The following ANGPT1 variants were observed in gnomAD, a reference collection of about 807,000 sequenced individuals.
The protein encoded by ANGPT1 is angiopoietin 1.
A neutral mutation model predicts 62.2 loss-of-function variants in ANGPT1; 17 were observed. The observed-to-expected ratio is 0.27, with a 90% CI of 0.19 to 0.41. ANGPT1 has a LOEUF of 0.41. Ranked by LOEUF, ANGPT1 falls within the 10% of genes least tolerant of loss-of-function variation. The pLI is 1.00. For synonymous variants in ANGPT1, 199 were observed against 198.9 expected (o/e 1.00, Z 0.00); for missense variants, 478 against 594.9 (o/e 0.80, Z 2.04).
At chr8:107,322,564 T>C (rs756850834) in intron 3 of ANGPT1, among the ~76,000 whole-genome samples, 2 of 152,138 alleles carry the variant, frequency 1.3e-5, no homozygotes, top group Non-Finnish European at 2.9e-5. Flanking sequence ...ATTTGGGGTT[T>C]TCAAAACGTT....
At chr8:107,497,179 G>A in intron 1 of ANGPT1, 83 bp downstream of exon 1, 1 of 1,439,408 alleles carries the variant, frequency 6.9e-7, no homozygotes, top group Non-Finnish European at 9.5e-7. Context: ...ATACACAAAT[G>A]CTCCCCTAAG....
intron 7 of ANGPT1, among the ~76,000 whole-genome samples, chr8:107,268,352 G>A (rs1813662052): frequency 1.3e-5 from 2 of 151,700 alleles, no homozygotes; most frequent in African/African-American, 4.8e-5. Flanking sequence ...ACCTACCTGG[G>A]TACCCACTTC....
chr8:107,403,985 A>G (rs1451751079), intron 1 of ANGPT1, among the ~76,000 whole-genome samples: 2 of 152,162 alleles, frequency 1.3e-5, no homozygotes, highest in African/African-American at 2.4e-5. Flanking sequence ...TGATGATACC[A>G]CCAAAAGCCT....
At chr8:107,486,023 T>C (rs1489453113) in intron 1 of ANGPT1, among the ~76,000 whole-genome samples, 1 of 152,186 alleles carries the variant, frequency 6.6e-6, no homozygotes, top group Non-Finnish European at 1.5e-5. Flanking sequence ...AATCAGCTAT[T>C]GTGCTTCAAT....
At chr8:107,365,001 TAACAC>T (rs1816243942) in intron 1 of ANGPT1, among the ~76,000 whole-genome samples, 1 of 152,130 alleles carries the variant, frequency 6.6e-6, no homozygotes, top group Non-Finnish European at 1.5e-5. Flanking sequence ...ACATTATAGT[TAACAC>T]AACTACCTGA....
At chr8:107,380,852 C>T (rs1056410783) in intron 1 of ANGPT1, among the ~76,000 whole-genome samples, 1 of 152,120 alleles carries the variant, frequency 6.6e-6, no homozygotes, top group Middle Eastern at 3.2e-3. Context: ...CCTTAAAGGA[C>T]CCCACCACTC....
chr8:107,471,408 G>A (rs1323007823), intron 1 of ANGPT1, among the ~76,000 whole-genome samples: 6 of 152,070 alleles, frequency 3.9e-5, no homozygotes, highest in Non-Finnish European at 8.8e-5. Context: ...CTGTCAGGCT[G>A]TGGGGGGACT....
At chr8:107,324,856 G>C (rs539273626) in intron 3 of ANGPT1, among the ~76,000 whole-genome samples, 6 of 152,102 alleles carry the variant, frequency 3.9e-5, no homozygotes, top group Non-Finnish European at 8.8e-5. Flanking sequence ...TTTCTGTTTT[G>C]AATTGCTTTC....
At chr8:107,260,729 G>C (rs1320863764) in intron 8 of ANGPT1, among the ~76,000 whole-genome samples, 1 of 152,122 alleles carries the variant, frequency 6.6e-6, no homozygotes, top group Non-Finnish European at 1.5e-5. Flanking sequence ...CATTTGATAA[G>C]GTAATGGCGT....
chr8:107,262,111 C>G (rs1813506897), intron 8 of ANGPT1, among the ~76,000 whole-genome samples: 3 of 152,124 alleles, frequency 2.0e-5, no homozygotes, highest in Non-Finnish European at 4.4e-5. Flanking sequence ...AAGATAATCA[C>G]TTGAACCAGG....
At chr8:107,358,694 T>C (rs1433620178) in intron 1 of ANGPT1, among the ~76,000 whole-genome samples, 4 of 152,248 alleles carry the variant, frequency 2.6e-5, no homozygotes, top group African/African-American at 4.8e-5. Flanking sequence ...GTGTTCCTCC[T>C]GATTTAGTCC....
At chr8:107,297,582 CAT>C (rs1563555891) in intron 5 of ANGPT1, among the ~76,000 whole-genome samples, 2 of 148,670 alleles carry the variant, frequency 1.3e-5, no homozygotes, top group Non-Finnish European at 3.0e-5. Context: ...AGTTATATAA[CAT>C]TGCATACAAA....
At chr8:107,484,943 T>A (rs538280796) in intron 1 of ANGPT1, among the ~76,000 whole-genome samples, 5 of 152,298 alleles carry the variant, frequency 3.3e-5, no homozygotes, top group Admixed American at 6.5e-5. Context: ...TCCTGAGAGA[T>A]GATAAATATC....
chr8:107,440,144 C>A (rs1359777051), intron 1 of ANGPT1, among the ~76,000 whole-genome samples: 1 of 151,980 alleles, frequency 6.6e-6, no homozygotes, highest in Non-Finnish European at 1.5e-5. Flanking sequence ...AAGGTCAGGG[C>A]AGGAGAGGAA....
chr8:107,351,776 CT>C (rs1815938572), intron 1 of ANGPT1, among the ~76,000 whole-genome samples: 1 of 151,856 alleles, frequency 6.6e-6, no homozygotes, highest in South Asian at 2.1e-4. Context: ...TAGTTCTTAC[CT>C]TTTTTTCTTA....
At chr8:107,459,496 AAC>A (rs1373346856) in intron 1 of ANGPT1, among the ~76,000 whole-genome samples, 2 of 14,842 alleles carry the variant, frequency 1.3e-4, no homozygotes, top group Non-Finnish European at 4.6e-4. Flanking sequence ...ATCAAACAAC[AAC>A]AACAACAACA....
At chr8:107,389,731 TA>T (rs1816798489) in intron 1 of ANGPT1, among the ~76,000 whole-genome samples, 1 of 152,102 alleles carries the variant, frequency 6.6e-6, no homozygotes, top group Non-Finnish European at 1.5e-5. Flanking sequence ...TAGAAACATA[TA>T]AAATATAATT....
At chr8:107,312,473 T>C (rs761712848) in intron 4 of ANGPT1, among the ~76,000 whole-genome samples, 2 of 152,182 alleles carry the variant, frequency 1.3e-5, no homozygotes, top group Admixed American at 6.5e-5. Context: ...GCTGTAAACA[T>C]AGAAAGCAGT....
intron 7 of ANGPT1, among the ~76,000 whole-genome samples, chr8:107,271,671 G>C (rs1813737761): frequency 6.6e-6 from 1 of 151,770 alleles, no homozygotes; most frequent in Non-Finnish European, 1.5e-5. Context: ...AAACATGAAG[G>C]ACAAGAAACC....
Sources: allele counts gnomAD v4.1 joint callset (sites outside exome capture counted in the v4.1 genomes callset), GRCh38; gene constraint gnomAD v4.1.1; transcripts MANE v1.5; gene names NCBI Gene and HGNC (gene_info 2026-07-23, HGNC 2026-07-21).